The following C10orf105 variants were observed in gnomAD, a reference collection of about 807,000 sequenced individuals.
The protein encoded by C10orf105 is uncharacterized protein C10orf105.
A neutral mutation model predicts 0.6 loss-of-function variants in C10orf105; 2 were observed. That is an observed-to-expected ratio of 3.18 (90% CI 1.30 to 10.01). The LOEUF is 10.01. Among genes scored for constraint, C10orf105 ranks in the 30% most tolerant of loss-of-function variants. The probability of loss-of-function intolerance (pLI) is 0.04; values close to 1 mark genes in which losing one functional copy is unlikely to be tolerated. For synonymous variants in C10orf105, 95 were observed against 82.4 expected (o/e 1.15, Z -0.83); for missense variants, 209 against 191.4 (o/e 1.09, Z -0.54).
At chr10:71,736,083 A>G (rs1037175253) in intron 1 of C10orf105, among the ~76,000 whole-genome samples, 2 of 152,238 alleles carry the variant, frequency 1.3e-5, no homozygotes, top group Admixed American at 6.5e-5. Context: ...AGGGATGGAA[A>G]GGAGGTCCCC....
rs1423868844 is a variant in C10orf105 at position 71,716,214 on chromosome 10, G to A, written c.124C>T (p.Leu42=). 5.2e-6 allele frequency: 8 copies of A among 1,551,132 alleles called. No individual in the cohort carries two copies. Among genetic ancestry groups the A allele is most frequent in the Non-Finnish European group, 7.0e-6 (8 of 1,146,780 alleles). Residue 42 remains leucine, a synonymous_variant, in exon 2 of 2, where the codon CTG becomes TTG. Coordinates refer to ENST00000441508, the MANE Select transcript of C10orf105 (RefSeq NM_001164375.3). ...ATDPLPMLIA[L]ACIFLLLATC... ...GCCAGCAGGAGGAAGATGCAGGCCA[G>A]GGCGATGAGCATGGGGAGGGGGTCA... is the stretch of plus-strand genomic sequence containing the variant.
intron 1 of C10orf105, among the ~76,000 whole-genome samples, chr10:71,735,460 C>T: frequency 6.6e-6 from 1 of 152,086 alleles, no homozygotes; most frequent in East Asian, 1.9e-4. Context: ...CCAGGGCCAG[C>T]TACCTGAGAG....
rs1022629835 is a variant in C10orf105, at chr10:71,715,654, G to A, written c.*282C>T. 1.0e-4 allele frequency: 31 copies of A among 308,774 alleles called. No individual in the cohort carries two copies. Among genetic ancestry groups the A allele is most frequent in the Admixed American group, 8.1e-4 (17 of 20,964 alleles). The allele number at this position is 308,774 out of a possible 1,614,324, so 19.1% of individuals were successfully genotyped here. ...TACGAGCCCCAGGTTGTACCCTGTG[G>A]AGCCTCAGGCCAAAGGCCCAGATGA... On this transcript the variant is annotated 3_prime_UTR_variant, in exon 2 of 2. Transcript: ENST00000441508.
chr10:71,737,478 T>A (rs1007301417), intron 1 of C10orf105, among the ~76,000 whole-genome samples: 30 of 152,220 alleles, frequency 2.0e-4, no homozygotes, highest in African/African-American at 6.8e-4. Flanking sequence ...TGGCTGGGAC[T>A]GAGCAGTCAA....
chr10:71,717,028 C>T (rs1866286445), intron 1 of C10orf105: 1 of 152,258 alleles, frequency 6.6e-6, no homozygotes, highest in Non-Finnish European at 1.5e-5. Flanking sequence ...CCCCACAGGC[C>T]CACCACACAC....
Position 71,715,734 on chromosome 10 carries a change from T to G in C10orf105, c.*202A>C. On this transcript the variant is annotated 3_prime_UTR_variant, in exon 2 of 2. Transcript: ENST00000441508. Reference sequence around the variant, plus strand: ...CTTTCATCAAGCAGCAGCGAGGGGGTCTGCAGAGAGGAAGGTGCTCTTCTG... The same window carrying G: ...CTTTCATCAAGCAGCAGCGAGGGGGGCTGCAGAGAGGAAGGTGCTCTTCTG... The G allele has an allele frequency of 2.2e-6, 1 of 450,652 alleles. No individual in the cohort carries two copies. Among genetic ancestry groups the G allele is most frequent in the Non-Finnish European group, 3.9e-6 (1 of 257,466 alleles). The allele number at this position is 450,652 out of a possible 1,614,324, so 27.9% of individuals were successfully genotyped here. A position where few individuals can be genotyped will look rare whatever the true frequency, so the allele number is the denominator to read the frequency against.
At chr10:71,719,153 T>G (rs1430285938) in intron 1 of C10orf105, among the ~76,000 whole-genome samples, 1 of 152,004 alleles carries the variant, frequency 6.6e-6, no homozygotes, top group African/African-American at 2.4e-5. Flanking sequence ...AACGAGAGAT[T>G]CCTAAGTGCT....
chr10:71,736,420 T>C (rs1044537315), intron 1 of C10orf105, among the ~76,000 whole-genome samples: 1 of 152,154 alleles, frequency 6.6e-6, no homozygotes, highest in Non-Finnish European at 1.5e-5. Context: ...CCAGCAGCCC[T>C]GGCCGGCCCC....
chr10:71,723,496 C>T (rs1366513261), upstream of C10orf105, among the ~76,000 whole-genome samples: 1 of 152,194 alleles, frequency 6.6e-6, no homozygotes, highest in Non-Finnish European at 1.5e-5. Flanking sequence ...TGAAGCTAGA[C>T]TGGGGTGATG....
intron 1 of C10orf105, chr10:71,730,691 C>T: frequency 3.2e-6 from 5 of 1,554,192 alleles, no homozygotes; most frequent in Non-Finnish European, 4.4e-6. Context: ...AACGGTCATC[C>T]CTGATGCTTC....
rs762681991 is a variant in C10orf105, at chr10:71,712,729, G to C, written c.*3207C>G. The C allele has an allele frequency of 8.6e-5, 138 of 1,613,588 alleles. No individual in the cohort carries two copies. Among genetic ancestry groups the C allele is most frequent in the Admixed American group, 1.3e-4 (8 of 59,990 alleles). ...CCGTGTTCGTCACTGTCCTGGATGT[G>C]AATGACAACCGGCCCATCTTTCTGC... On this transcript the variant is annotated 3_prime_UTR_variant, in exon 2 of 2. Transcript: ENST00000441508.
chr10:71,726,954 C>CG (rs1866840306), intron 1 of C10orf105, among the ~76,000 whole-genome samples: 1 of 152,188 alleles, frequency 6.6e-6, no homozygotes, highest in Non-Finnish European at 1.5e-5. Context: ...TCCCAGGGTA[C>CG]AGTGTAAAAC....
At chr10:71,737,343 A>C (rs1839594568) in intron 1 of C10orf105, among the ~76,000 whole-genome samples, 1 of 152,212 alleles carries the variant, frequency 6.6e-6, no homozygotes, top group South Asian at 2.1e-4. Flanking sequence ...GAGGAAATGG[A>C]AAATCAGAGA....
intron 1 of C10orf105, among the ~76,000 whole-genome samples, chr10:71,735,389 G>T (rs1463262765): frequency 6.6e-6 from 1 of 152,192 alleles, no homozygotes. Flanking sequence ...AGAAGAGGCG[G>T]CCCGGCCTGA....
rs145999424 is a variant in C10orf105, at chr10:71,712,284, C to A, written c.*3652G>T. 3 of 183,614 alleles carry A rather than the reference C, an allele frequency of 1.6e-5. No homozygotes were observed. Among genetic ancestry groups the A allele is most frequent in the Non-Finnish European group, 3.5e-5 (3 of 86,598 alleles). 11.4% of individuals were successfully genotyped at this position (183,614 alleles called of 1,614,324 possible). ...TTAACGTAATTACATTTTCAAAGGCCCTTTTCCCAAATAAATTAATCTTCA... is the reference window on the plus strand; with the variant it reads ...TTAACGTAATTACATTTTCAAAGGCACTTTTCCCAAATAAATTAATCTTCA... On this transcript the variant is annotated 3_prime_UTR_variant, in exon 2 of 2. Transcript: ENST00000441508.
At chr10:71,724,728 C>T (rs1342152871), upstream of C10orf105, among the ~76,000 whole-genome samples, 1 of 152,212 alleles carries the variant, frequency 6.6e-6, no homozygotes, top group Admixed American at 6.5e-5. Context: ...GGGACTGGGT[C>T]TCATTGGTCC....
chr10:71,712,974 G>A lies in C10orf105; in HGVS notation c.*2962C>T, dbSNP rs553590895. Reference sequence around the variant, plus strand: ...GTGCTGTGGGGAAAGGGGGACCCAGGCCCTCTCCCATCCCAGGGAGTGTGG... The same window carrying A: ...GTGCTGTGGGGAAAGGGGGACCCAGACCCTCTCCCATCCCAGGGAGTGTGG... On this transcript the variant is annotated 3_prime_UTR_variant, in exon 2 of 2. Coordinates refer to ENST00000441508, the MANE Select transcript of C10orf105 (RefSeq NM_001164375.3). 8.3e-5 allele frequency: 72 copies of A among 867,028 alleles called. No individual in the cohort carries two copies. Among genetic ancestry groups the A allele is most frequent in the Admixed American group, 7.9e-4 (38 of 48,170 alleles). The allele number at this position is 867,028 out of a possible 1,614,324, so 53.7% of individuals were successfully genotyped here.
In C10orf105 at chr10:71,733,862, A is replaced by G. The variant is rs184520710; in HGVS notation, c.-6+3866T>C. Among the ~76,000 whole-genome samples, 12 of 152,344 alleles carry G rather than the reference A, an allele frequency of 7.9e-5. No homozygotes were observed. The East Asian group carries it at 2.3e-3, about 29-fold the overall frequency. On this transcript the variant is annotated intron_variant, in intron 1 of 1. Coordinates refer to the C10orf105 transcript ENST00000398786. ...CGTGACAGGCCTTGTCCTAGAGGAT[A>G]CTGGGAACACAAATGGACACAAAGA...
chr10:71,716,184 A>G lies in C10orf105; in HGVS notation c.154T>C (p.Cys52Arg). 3 of 1,551,174 alleles carry G rather than the reference A, an allele frequency of 1.9e-6. No individual in the cohort carries two copies. Among genetic ancestry groups the G allele is most frequent in the Non-Finnish European group, 2.6e-6 (3 of 1,146,842 alleles). The change falls in exon 2 of 2, where the codon TGT becomes CGT. Residue 52 changes from cysteine (C) to arginine (R), a missense_variant. Physicochemically the swap from Cys to Arg is radical, Grantham distance 180. Coordinates refer to ENST00000441508, the MANE Select transcript of C10orf105 (RefSeq NM_001164375.3). Reference sequence around the variant, plus strand: ...TTGCAGAGCGTCATGAACAGCAGACAGGTGGCCAGCAGGAGGAAGATGCAG... The same window carrying G: ...TTGCAGAGCGTCATGAACAGCAGACGGGTGGCCAGCAGGAGGAAGATGCAG... The part of the protein sequence containing the change: ...LACIFLLLAT[C>R]LLFMTLCKPA...
Sources: gnomAD v4.1 joint callset for allele counts (sites outside exome capture counted in the v4.1 genomes callset) on GRCh38, gnomAD v4.1.1 for gene constraint, MANE v1.5 for transcripts, NCBI Gene and HGNC (gene_info 2026-07-23, HGNC 2026-07-21) for gene names.